The following GRK3 variants were observed in gnomAD, a reference collection of about 807,000 sequenced individuals.
GRK3 encodes G protein-coupled receptor kinase 3, also known as adrenergic, beta, receptor kinase 2.
Under a neutral mutation model 95.7 loss-of-function variants are expected in GRK3, and 54 were observed. The observed-to-expected ratio is 0.56, with a 90% confidence interval of 0.45 to 0.71. GRK3 has a LOEUF of 0.71. GRK3 is among the 30% of genes least tolerant of loss of function. The probability of loss-of-function intolerance (pLI) is 0.00; values close to 1 mark genes in which losing one functional copy is unlikely to be tolerated. For missense variants in GRK3, 649 were observed against 851.2 expected (o/e 0.76, Z 2.96); for synonymous variants, 281 against 290.8 (o/e 0.97, Z 0.34).
rs905652790 is a variant in GRK3 at position 25,725,770 on chromosome 22, C to A, written c.*3320C>A. 1.5e-5 allele frequency: 6 copies of A among 394,456 alleles called. No individual in the cohort carries two copies. Among genetic ancestry groups the A allele is most frequent in the African/African-American group, 1.2e-4 (6 of 48,516 alleles). The allele number at this position is 394,456 out of a possible 1,614,324, so 24.4% of individuals were successfully genotyped here. A position where few individuals can be genotyped will look rare whatever the true frequency, so the allele number is the denominator to read the frequency against. ...GACCATCCTGGTTAGCAGAGTGAAA[C>A]CCCGTCTCTACTAAAAATACAAATA... On this transcript the variant is annotated 3_prime_UTR_variant, in exon 21 of 21. Transcript: ENST00000324198.
In GRK3 at chr22:25,661,583, A is replaced by G; in HGVS notation, c.272A>G (p.Glu91Gly). The change falls in exon 4 of 21, where the codon GAA becomes GGA. Residue 91 changes from glutamate (E) to glycine (G), a missense_variant. Transcript: ENST00000324198. The stretch of plus-strand genomic sequence containing the variant: ...TAACTTTAAAAAACCTAGATAAAGG[A>G]ATATGAAAAACTTGATAATGAGGAA... ...PQVKFYEEIK[E>G]YEKLDNEEDR... The G allele has an allele frequency of 6.2e-7, 1 of 1,606,592 alleles. No homozygotes were observed. Among genetic ancestry groups the G allele is most frequent in the Non-Finnish European group, 8.5e-7 (1 of 1,174,216 alleles).
In GRK3 at chr22:25,704,556, G is replaced by T. The variant is rs553453943; in HGVS notation, c.1328+347G>T. On this transcript the variant is annotated intron_variant, in intron 15 of 20. Coordinates refer to ENST00000324198, the MANE Select transcript of GRK3 (RefSeq NM_005160.4). ...CTCCTGAGTAGCTAGGACCACTGGG[G>T]TGTGCTACCACGCCTGGCTAATTTT... Among the ~76,000 whole-genome samples, 5 of 152,234 alleles carry T rather than the reference G, an allele frequency of 3.3e-5. No individual in the cohort carries two copies. The South Asian group carries it at 1.0e-3, about 32-fold the overall frequency.
intron 17 of GRK3, 134 bp from the exon 18 acceptor site, chr22:25,714,274 G>T: frequency 1.5e-6 from 1 of 674,948 alleles, no homozygotes; most frequent in East Asian, 2.8e-5. Context: ...AACCTGCCTC[G>T]AAATGATTAC....
chr22:25,722,762 A>C lies in GRK3; in HGVS notation c.*312A>C, dbSNP rs1254528496. ...ATATCAAACACATCTTAGACTCCCC[A>C]GAATGGAATTTAAAGATGTTCAGTG... On this transcript the variant is annotated 3_prime_UTR_variant, in exon 21 of 21. Transcript: ENST00000324198. 8.6e-6 allele frequency: 2 copies of C among 231,850 alleles called. No individual in the cohort carries two copies. The highest frequency in any genetic ancestry group is 1.7e-5 in the Non-Finnish European group (2 of 118,082). 14.4% of individuals were successfully genotyped at this position (231,850 alleles called of 1,614,324 possible).
intron 2 of GRK3, among the ~76,000 whole-genome samples, chr22:25,636,689 T>C (rs933282880): frequency 2.0e-5 from 3 of 152,208 alleles, no homozygotes; most frequent in African/African-American, 7.2e-5. Context: ...AGAAAGTTCC[T>C]TCATGCCTCT....
intron 11 of GRK3, among the ~76,000 whole-genome samples, chr22:25,688,583 T>C (rs531422782): frequency 2.1e-4 from 32 of 152,242 alleles, no homozygotes; most frequent in Admixed American, 7.9e-4. Flanking sequence ...ATCCTTGCAC[T>C]GTGTAACCTC....
chr22:25,617,524 T>C (rs1213054520), intron 2 of GRK3, among the ~76,000 whole-genome samples: 1 of 152,232 alleles, frequency 6.6e-6, no homozygotes, highest in Non-Finnish European at 1.5e-5. Flanking sequence ...TTAAAACAAT[T>C]TAATTGATGT....
intron 1 of GRK3, among the ~76,000 whole-genome samples, chr22:25,583,833 C>T (rs1383398977): frequency 4.6e-5 from 7 of 152,052 alleles, no homozygotes; most frequent in South Asian, 2.1e-4. Flanking sequence ...TCAAATGGTG[C>T]GAGATCAGAA....
chr22:25,589,457 A>G (rs751911286), intron 1 of GRK3, among the ~76,000 whole-genome samples: 41 of 152,208 alleles, frequency 2.7e-4, no homozygotes, highest in Non-Finnish European at 4.4e-4. Flanking sequence ...GCAGTAGGCC[A>G]TGACAGGTAG....
intron 1 of GRK3, among the ~76,000 whole-genome samples, chr22:25,601,515 CTA>C (rs1250828108): frequency 1.3e-5 from 2 of 151,940 alleles, no homozygotes; most frequent in Non-Finnish European, 2.9e-5. Context: ...AAATCGATGC[CTA>C]GAGGGAATTT....
At chr22:25,713,509 C>T (rs2085360358) in intron 17 of GRK3, among the ~76,000 whole-genome samples, 2 of 152,138 alleles carry the variant, frequency 1.3e-5, no homozygotes, top group South Asian at 4.1e-4. Flanking sequence ...GCCTTAGCCT[C>T]CTTGGTCTTT....
At chr22:25,708,105 G>A (rs1188386658) in intron 15 of GRK3, among the ~76,000 whole-genome samples, 2 of 152,066 alleles carry the variant, frequency 1.3e-5, no homozygotes, top group Admixed American at 6.6e-5. Context: ...ATAATTAGCC[G>A]GGTGTGGTGG....
intron 1 of GRK3, among the ~76,000 whole-genome samples, chr22:25,591,112 C>T (rs978802588): frequency 6.6e-6 from 1 of 152,184 alleles, no homozygotes; most frequent in Non-Finnish European, 1.5e-5. Context: ...CATACTTCTG[C>T]CTGGCTGACC....
chr22:25,607,282 G>A (rs1601468876), intron 2 of GRK3, among the ~76,000 whole-genome samples: 1 of 151,662 alleles, frequency 6.6e-6, no homozygotes, highest in African/African-American at 2.4e-5. Flanking sequence ...TATCCCAAAC[G>A]TGAAATTTAT....
chr22:25,711,161 A>G lies in GRK3; in HGVS notation c.1489A>G (p.Lys497Glu). 1 of 1,595,372 alleles carries G rather than the reference A, an allele frequency of 6.3e-7. No individual in the cohort carries two copies. Among genetic ancestry groups the G allele is most frequent in the Non-Finnish European group, 8.6e-7 (1 of 1,164,654 alleles). ...SFDEEDTKGI[K>E]LLDCDQELYK... The stretch of plus-strand genomic sequence containing the variant: ...TGATGAAGAGGATACCAAAGGGATT[A>G]AGGTACACATGTGATCATTTATTTC... The change falls in exon 17 of 21, where the codon AAG becomes GAG. Residue 497 changes from lysine (K) to glutamate (E), a missense_variant and splice_region_variant. Lys to Glu is a moderately conservative substitution (Grantham distance 56). Coordinates refer to ENST00000324198, the MANE Select transcript of GRK3 (RefSeq NM_005160.4).
chr22:25,621,189 C>G (rs1041983733), intron 2 of GRK3, among the ~76,000 whole-genome samples: 2 of 152,238 alleles, frequency 1.3e-5, no homozygotes, highest in African/African-American at 4.8e-5. Context: ...AGAGTGAGGA[C>G]AGCAATTCCC....
At chr22:25,620,754 C>T (rs968441284) in intron 2 of GRK3, among the ~76,000 whole-genome samples, 2 of 152,106 alleles carry the variant, frequency 1.3e-5, no homozygotes, top group Admixed American at 1.3e-4. Flanking sequence ...AGAAGAATGG[C>T]GTGTCCTTGT....
chr22:25,689,283 C>T (rs997690061), intron 11 of GRK3, among the ~76,000 whole-genome samples: 4 of 152,112 alleles, frequency 2.6e-5, no homozygotes, highest in African/African-American at 9.7e-5. Context: ...GCTGACGGCC[C>T]ATGAAGCGCT....
At chr22:25,666,951 A>G (rs1278981184) in intron 5 of GRK3, among the ~76,000 whole-genome samples, 1 of 152,204 alleles carries the variant, frequency 6.6e-6, no homozygotes, top group Non-Finnish European at 1.5e-5. Flanking sequence ...AGGAAAGCTG[A>G]TGCTGTTTAT....
Sources: gnomAD v4.1 joint callset for allele counts (sites outside exome capture counted in the v4.1 genomes callset) on GRCh38, gnomAD v4.1.1 for gene constraint, MANE v1.5 for transcripts, NCBI Gene and HGNC (gene_info 2026-07-23, HGNC 2026-07-21) for gene names.